Variants in PDE4D observed in about 807,000 individuals in gnomAD.
PDE4D encodes the protein phosphodiesterase 4D, also known as 3',5'-cyclic-AMP phosphodiesterase 4D.
A neutral mutation model predicts 87.4 loss-of-function variants in PDE4D; 24 were observed. The observed-to-expected ratio is 0.27, with a 90% CI of 0.20 to 0.39. The LOEUF is 0.39. Among genes scored for constraint, PDE4D ranks in the 10% least tolerant of loss-of-function variants. The pLI is 1.00. For missense variants in PDE4D, 714 were observed against 1,041.0 expected, an observed-to-expected ratio of 0.69 and a Z score of 4.32; for synonymous variants, 384 against 383.2, an observed-to-expected ratio of 1.00 and a Z score of -0.02.
chr5:59,729,866 CTT>C (rs1757132195), intron 1 of PDE4D, among the ~76,000 whole-genome samples: 2 of 152,050 alleles, frequency 1.3e-5, no homozygotes, highest in Non-Finnish European at 2.9e-5. Context: ...AAACCAACTT[CTT>C]ATGCCTTCTG....
At chr5:59,340,189 CTCATT>C (rs1301703842) in intron 1 of PDE4D, among the ~76,000 whole-genome samples, 1 of 152,050 alleles carries the variant, frequency 6.6e-6, no homozygotes, top group Non-Finnish European at 1.5e-5. Context: ...AAAATTTGAT[CTCATT>C]TATCACTTTA....
intron 4 of PDE4D, among the ~76,000 whole-genome samples, chr5:59,181,318 T>TAA (rs769431115): frequency 1.4e-5 from 2 of 141,170 alleles, no homozygotes; most frequent in African/African-American, 2.6e-5. Flanking sequence ...CCCCTTGAAG[T>TAA]AAAAAAAAAA....
At chr5:60,238,619 G>A (rs925321068) in intron 1 of PDE4D, among the ~76,000 whole-genome samples, 5 of 151,798 alleles carry the variant, frequency 3.3e-5, no homozygotes, top group African/African-American at 1.2e-4. Flanking sequence ...GTGAGCTAAA[G>A]CAAATATTTG....
chr5:60,405,100 C>A (rs748317782), intron 1 of PDE4D, among the ~76,000 whole-genome samples: 1 of 152,126 alleles, frequency 6.6e-6, no homozygotes, highest in South Asian at 2.1e-4. Flanking sequence ...TAACTGTGGG[C>A]AAATAAGTTT....
chr5:60,102,202 T>C (rs184529189), intron 2 of PDE4D, among the ~76,000 whole-genome samples: 2 of 152,310 alleles, frequency 1.3e-5, no homozygotes, highest in East Asian at 3.9e-4. Flanking sequence ...TCTTAATATA[T>C]ACCAGGGATT....
intron 3 of PDE4D, among the ~76,000 whole-genome samples, chr5:59,968,362 G>A (rs6868054): frequency 0.32 from 48,342 of 151,762 alleles, 8,087 homozygotes; most frequent in African/African-American, 0.38. Context: ...ATAAGTGAGA[G>A]CTAAGCATTC....
intron 5 of PDE4D, among the ~76,000 whole-genome samples, chr5:59,091,457 T>C (rs904491624): frequency 6.6e-5 from 10 of 152,116 alleles, no homozygotes; most frequent in African/African-American, 2.4e-4. Flanking sequence ...ATGATATATA[T>C]TATGATGTGC....
chr5:59,470,610 T>G (rs1802295229), intron 1 of PDE4D, among the ~76,000 whole-genome samples: 1 of 152,240 alleles, frequency 6.6e-6, no homozygotes, highest in Admixed American at 6.5e-5. Context: ...TCACTAATAC[T>G]GTTTAGCTAG....
At chr5:59,401,167 G>C (rs1790542558) in intron 1 of PDE4D, among the ~76,000 whole-genome samples, 1 of 152,192 alleles carries the variant, frequency 6.6e-6, no homozygotes, top group Admixed American at 6.5e-5. Flanking sequence ...GTTTATGGCT[G>C]GGCATGGTAG....
intron 1 of PDE4D, among the ~76,000 whole-genome samples, chr5:60,206,681 T>C (rs1277964770): frequency 6.6e-6 from 1 of 152,240 alleles, no homozygotes; most frequent in Non-Finnish European, 1.5e-5. Flanking sequence ...GATCTGCTGC[T>C]GGATAAACCA....
intron 2 of PDE4D, among the ~76,000 whole-genome samples, chr5:60,173,835 A>T (rs1783689513): frequency 6.6e-6 from 1 of 152,066 alleles, no homozygotes; most frequent in Non-Finnish European, 1.5e-5. Flanking sequence ...ATTGGTGGAA[A>T]GGGAAGTCAA....
At chr5:59,782,221 T>C (rs913122894) in intron 1 of PDE4D, among the ~76,000 whole-genome samples, 1 of 152,240 alleles carries the variant, frequency 6.6e-6, no homozygotes, top group African/African-American at 2.4e-5. Flanking sequence ...CTGAAAAACC[T>C]GTTCCTTTGT....
chr5:60,328,509 G>A (rs555032966), intron 1 of PDE4D, among the ~76,000 whole-genome samples: 1 of 152,152 alleles, frequency 6.6e-6, no homozygotes, highest in Non-Finnish European at 1.5e-5. Flanking sequence ...CATTTTCATT[G>A]CTGTATAATA....
At chr5:60,496,155 T>A (rs1749806269) in intron 1 of PDE4D, among the ~76,000 whole-genome samples, 1 of 152,200 alleles carries the variant, frequency 6.6e-6, no homozygotes, top group South Asian at 2.1e-4. Flanking sequence ...GACTGACTCC[T>A]CACCATAAAT....
At chr5:59,079,601 G>A (rs1766310939) in intron 5 of PDE4D, among the ~76,000 whole-genome samples, 1 of 151,826 alleles carries the variant, frequency 6.6e-6, no homozygotes, top group African/African-American at 2.4e-5. Flanking sequence ...TGAGGCCAGA[G>A]AATTGCTTGA....
At chr5:60,508,204 T>C (rs1161363621) in intron 1 of PDE4D, among the ~76,000 whole-genome samples, 3 of 152,178 alleles carry the variant, frequency 2.0e-5, no homozygotes, top group Non-Finnish European at 4.4e-5. Context: ...CTACGTTGGG[T>C]TCCTTGTTGT....
intron 1 of PDE4D, among the ~76,000 whole-genome samples, chr5:59,506,881 A>G (rs1223696992): frequency 6.6e-6 from 1 of 152,228 alleles, no homozygotes; most frequent in Non-Finnish European, 1.5e-5. Context: ...ACTGTCTGTC[A>G]GTCTTCAAAA....
chr5:59,739,054 T>C (rs1161588712), intron 1 of PDE4D, among the ~76,000 whole-genome samples: 3 of 152,102 alleles, frequency 2.0e-5, no homozygotes, highest in African/African-American at 7.2e-5. Context: ...TGTCTATAGT[T>C]GTATATTAAA....
chr5:59,371,786 G>A (rs899863234), intron 1 of PDE4D, among the ~76,000 whole-genome samples: 1 of 152,174 alleles, frequency 6.6e-6, no homozygotes, highest in Non-Finnish European at 1.5e-5. Context: ...GAATAAACAC[G>A]TCAAAGGCAT....
Sources: allele counts gnomAD v4.1 joint callset (sites outside exome capture counted in the v4.1 genomes callset), GRCh38; gene constraint gnomAD v4.1.1; transcripts MANE v1.5; gene names NCBI Gene and HGNC (gene_info 2026-07-23, HGNC 2026-07-21).